The following IGSF3 variants were observed in gnomAD, a reference collection of about 807,000 sequenced individuals.
IGSF3 encodes the protein immunoglobulin superfamily member 3, also known as glu-Trp-Ile EWI motif-containing protein 3.
Under a neutral mutation model 114.4 loss-of-function variants are expected in IGSF3, and 23 were observed. That is an observed-to-expected ratio of 0.20 (90% CI 0.14 to 0.28). The LOEUF is 0.28. Ranked by LOEUF, IGSF3 falls within the 10% of genes least tolerant of loss-of-function variation. The pLI is 1.00. For synonymous variants in IGSF3, 571 were observed against 645.2 expected, an observed-to-expected ratio of 0.88 and a Z score of 1.74; for missense variants, 1,172 against 1,591.5, an observed-to-expected ratio of 0.74 and a Z score of 4.48.
chr1:116,626,260 A>G (rs931889612), intron 2 of IGSF3, among the ~76,000 whole-genome samples: 1 of 152,178 alleles, frequency 6.6e-6, no homozygotes, highest in Non-Finnish European at 1.5e-5. Flanking sequence ...CTTAAAAAAA[A>G]AATGCTTTTA....
chr1:116,646,464 A>G (rs1039847819), intron 2 of IGSF3, among the ~76,000 whole-genome samples: 5 of 152,142 alleles, frequency 3.3e-5, no homozygotes, highest in Admixed American at 1.3e-4. Flanking sequence ...TCTCAGCACA[A>G]TATATTAATA....
At chr1:116,643,203 T>C (rs1410139695) in intron 2 of IGSF3, among the ~76,000 whole-genome samples, 3 of 152,200 alleles carry the variant, frequency 2.0e-5, no homozygotes, top group African/African-American at 7.2e-5. Flanking sequence ...GCTATCAACC[T>C]GTCTGAGGCC....
chr1:116,604,137 G>A (rs1486437376), intron 5 of IGSF3, 112 bp from the exon 6 acceptor site: 22 of 984,432 alleles, frequency 2.2e-5, no homozygotes, highest in South Asian at 1.9e-4. Flanking sequence ...GGTACGGTGA[G>A]CCTCAGAGGG....
rs953495585 is a variant in IGSF3, at chr1:116,662,472, T to C, written c.43+3812A>G. Among the ~76,000 whole-genome samples, 1 of 152,192 alleles carries C rather than the reference T, an allele frequency of 6.6e-6. No homozygotes were observed. Among genetic ancestry groups the C allele is most frequent in the African/African-American group, 2.4e-5 (1 of 41,434 alleles). On this transcript the variant is annotated intron_variant, in intron 2 of 10. Transcript: ENST00000369486. This position sits in a 1 kb window ranked among gnomAD's most constrained non-coding sequence, Gnocchi z 4.3. The stretch of plus-strand genomic sequence containing the variant: ...CAGGGTTGTTTTGAAGACTGATTGA[T>C]ATAGTTGGGTCACAGTAAGGGCTAG...
rs1277144971 is a variant in IGSF3, at chr1:116,577,591, A to G, written c.3335-29T>C. 2.5e-6 allele frequency: 4 copies of G among 1,610,002 alleles called. No homozygotes were observed. The stretch of plus-strand genomic sequence containing the variant: ...AAAAGAATCATGAGAGAGACAAGAC[A>G]ATGAGGGCTGAGAACCTGGACTGCT... On this transcript the variant is annotated intron_variant, in intron 10 of 10. Transcript: ENST00000369486. This position sits in a 1 kb window ranked among gnomAD's most constrained non-coding sequence, Gnocchi z 5.7.
rs1659421773 is a variant in IGSF3, at chr1:116,577,934, C to A, written c.3335-372G>T. On this transcript the variant is annotated intron_variant, in intron 10 of 10. Transcript: ENST00000369486. The surrounding 1 kb of genome is among the most constrained non-coding windows in gnomAD (Gnocchi z 5.7). The stretch of plus-strand genomic sequence containing the variant: ...CCTGCATGGTTGGATTTTACATGCC[C>A]CTTTGCACTTAGTTCTGCTACAGAC... 6.6e-6 allele frequency among the ~76,000 whole-genome samples: 1 copy of A among 152,080 alleles called. No homozygotes were observed. The highest frequency in any genetic ancestry group is 2.1e-4 in the South Asian group (1 of 4,818).
rs1661070310 is a variant in IGSF3, at chr1:116,612,721, A to T, written c.832+1044T>A. ...CCAGAACCACCACAGTCCTCACCAG[A>T]AGTGAGCTTCCGCACAAGGAAAGGC... is the stretch of plus-strand genomic sequence containing the variant. On this transcript the variant is annotated intron_variant, in intron 4 of 10. Transcript: ENST00000369486. This position sits in a 1 kb window ranked among gnomAD's most constrained non-coding sequence, Gnocchi z 4.1. Among the ~76,000 whole-genome samples, 2 of 152,226 alleles carry T rather than the reference A, an allele frequency of 1.3e-5. No individual in the cohort carries two copies.
rs1661048752 is a variant in IGSF3, at chr1:116,612,238, C to T, written c.832+1527G>A. ...GGGAAAGGATAAATATAAAATAAAG[C>T]CCCTTGGATAGATTTTTTAATATTG... On this transcript the variant is annotated intron_variant, in intron 4 of 10. Coordinates refer to ENST00000369486, the MANE Select transcript of IGSF3 (RefSeq NM_001007237.3). The surrounding 1 kb of genome is among the most constrained non-coding windows in gnomAD (Gnocchi z 4.1). Among the ~76,000 whole-genome samples, 1 of 152,012 alleles carries T rather than the reference C, an allele frequency of 6.6e-6. No homozygotes were observed. Among genetic ancestry groups the T allele is most frequent in the Non-Finnish European group, 1.5e-5 (1 of 67,994 alleles).
Position 116,616,737 on chromosome 1 carries a change from CTGTT to C in IGSF3, c.44-284_44-281del, listed in dbSNP as rs1369481755. ...CCCTTGGGAATTTCATTTAGCCCCT[CTGTT>C]TGTCATTTATATGGCAGTTTTATAT... On this transcript the variant is annotated intron_variant, in intron 2 of 10. Transcript: ENST00000369486. This position sits in a 1 kb window ranked among gnomAD's most constrained non-coding sequence, Gnocchi z 6.6. Among the ~76,000 whole-genome samples, 15 of 152,198 alleles carry C rather than the reference CTGTT, an allele frequency of 9.9e-5. No homozygotes were observed. The highest frequency in any genetic ancestry group is 1.8e-4 in the Non-Finnish European group (12 of 68,042).
At position 116,608,145 on chromosome 1, in the gene IGSF3, A is replaced by G; in HGVS notation, c.1019T>C (p.Phe340Ser). Residue 340 changes from phenylalanine (F) to serine (S), a missense_variant, in exon 5 of 11, where the codon TTT becomes TCT. Transcript: ENST00000369486. ...CTGTCCCCTGGCTTCCCGGTGAGCA[A>G]ATTCGCTGTTGAGGACAGGCACAGC... ...PNAVPVLNSE[F>S]AHREARGQLK... is the part of the protein sequence containing the mutation. 1.9e-6 allele frequency: 3 copies of G among 1,613,810 alleles called. No individual in the cohort carries two copies. In the South Asian group the frequency reaches 3.3e-5, roughly 18 times the overall value.
At position 116,595,507 on chromosome 1, in the gene IGSF3, A is replaced by G. The variant is rs1166124097; in HGVS notation, c.2029+4434T>C. ...CAAAGAAAAGCCCTCTGCTATCCCA[A>G]TCTGCCGGGTCAGCAATAAGAAATA... On this transcript the variant is annotated intron_variant, in intron 7 of 10. Coordinates refer to ENST00000369486, the MANE Select transcript of IGSF3 (RefSeq NM_001007237.3). The surrounding 1 kb of genome is among the most constrained non-coding windows in gnomAD (Gnocchi z 4.2). Among the ~76,000 whole-genome samples, 1 of 152,126 alleles carries G rather than the reference A, an allele frequency of 6.6e-6. No individual in the cohort carries two copies. Among genetic ancestry groups the G allele is most frequent in the Non-Finnish European group, 1.5e-5 (1 of 68,026 alleles).
intron 7 of IGSF3, among the ~76,000 whole-genome samples, chr1:116,599,391 T>TACACACACAC (rs35774720): frequency 2.4e-4 from 35 of 148,230 alleles, no homozygotes; most frequent in African/African-American, 6.4e-4. Context: ...CACATACATA[T>TACACACACAC]ACACACACAC....
In IGSF3 at chr1:116,600,740, A is replaced by G. The variant is rs1036512255; in HGVS notation, c.1625-395T>C. 2.0e-5 allele frequency among the ~76,000 whole-genome samples: 3 copies of G among 152,176 alleles called. No individual in the cohort carries two copies. Among genetic ancestry groups the G allele is most frequent in the African/African-American group, 4.8e-5 (2 of 41,432 alleles). On this transcript the variant is annotated intron_variant, in intron 6 of 10. Transcript: ENST00000369486. This position sits in a 1 kb window ranked among gnomAD's most constrained non-coding sequence, Gnocchi z 5.5. Reference sequence around the variant, plus strand: ...CCCCAAAGCCAATTTCCTCCATTGCACAGGAGGAAAACACAACCACACAGC... The same window carrying G: ...CCCCAAAGCCAATTTCCTCCATTGCGCAGGAGGAAAACACAACCACACAGC...
intron 2 of IGSF3, among the ~76,000 whole-genome samples, chr1:116,635,910 CTGCCTTGTGTTGTGTGAG>C (rs1647806974): frequency 1.3e-5 from 2 of 152,238 alleles, no homozygotes; most frequent in Admixed American, 6.5e-5. Context: ...GCAACCATTC[CTGCCTTGTGTTGTGTGAG>C]TGCCTTAAGT....
rs754130869 is a variant in IGSF3, at chr1:116,589,029, G to A, written c.2105C>T (p.Ser702Leu). 1 of 1,614,196 alleles carries A rather than the reference G, an allele frequency of 6.2e-7. No individual in the cohort carries two copies. Among genetic ancestry groups the A allele is most frequent in the African/African-American group, 1.3e-5 (1 of 75,058 alleles). ...VENKPIQLNC[S>L]VKSQTSQNSH... is the part of the protein sequence containing the mutation. ...GTTCTGGCTAGTCTGAGACTTGACT[G>A]AGCAGTTCAACTGAATGGGCTTGTT... is the stretch of plus-strand genomic sequence containing the variant. The change falls in exon 8 of 11, where the codon TCA (serine) becomes TTA (leucine). Residue 702 changes from serine to leucine, a missense_variant. Transcript: ENST00000369486. The surrounding 1 kb of genome is among the most constrained non-coding windows in gnomAD (Gnocchi z 5.7).
In IGSF3 at chr1:116,594,359, A is replaced by C. The variant is rs894658606; in HGVS notation, c.2030-5255T>G. ...GATATGATTAGGAATGTTATATTGT[A>C]TATGAATTTCATTTCTGGGTAAAGG... On this transcript the variant is annotated intron_variant, in intron 7 of 10. Coordinates refer to ENST00000369486, the MANE Select transcript of IGSF3 (RefSeq NM_001007237.3). This position sits in a 1 kb window ranked among gnomAD's most constrained non-coding sequence, Gnocchi z 5.2. Among the ~76,000 whole-genome samples, 3 of 152,254 alleles carry C rather than the reference A, an allele frequency of 2.0e-5. No individual in the cohort carries two copies. Among genetic ancestry groups the C allele is most frequent in the African/African-American group, 7.2e-5 (3 of 41,468 alleles).
chr1:116,589,045 T>G lies in IGSF3; in HGVS notation c.2089A>C (p.Ile697Leu). The G allele has an allele frequency of 6.2e-7, 1 of 1,614,184 alleles. No individual in the cohort carries two copies. Among genetic ancestry groups the G allele is most frequent in the Non-Finnish European group, 8.5e-7 (1 of 1,180,010 alleles). Reference protein sequence around the residue: ...RTLTLVENKPIQLNCSVKSQT... With the variant: ...RTLTLVENKPLQLNCSVKSQT... ...GACTTGACTGAGCAGTTCAACTGAATGGGCTTGTTTTCCACCAGGGTGAGG... is the reference window on the plus strand; with the variant it reads ...GACTTGACTGAGCAGTTCAACTGAAGGGGCTTGTTTTCCACCAGGGTGAGG... Residue 697 changes from isoleucine (I) to leucine (L), a missense_variant, in exon 8 of 11, where the codon ATT becomes CTT. By Grantham distance (5) the Ile-to-Leu change is conservative (BLOSUM62 2). Transcript: ENST00000369486. This position sits in a 1 kb window ranked among gnomAD's most constrained non-coding sequence, Gnocchi z 5.7.
intron 2 of IGSF3, among the ~76,000 whole-genome samples, chr1:116,635,874 G>A (rs1347759809): frequency 6.6e-6 from 1 of 152,180 alleles, no homozygotes; most frequent in African/African-American, 2.4e-5. Flanking sequence ...TCTCTGCTAG[G>A]GAACCTTCCT....
Position 116,577,295 on chromosome 1 carries a change from G to A in IGSF3, c.*17C>T, listed in dbSNP as rs776499230. 4.8e-5 allele frequency: 77 copies of A among 1,611,532 alleles called. No homozygotes were observed. The highest frequency in any genetic ancestry group is 1.9e-4 in the Middle Eastern group (1 of 5,306). ...CTCAGCTCCTCCGTGGCCAACATCC[G>A]CTGGGGCATCACCCGCTTAGTCTAT... On this transcript the variant is annotated 3_prime_UTR_variant, in exon 11 of 11. Transcript: ENST00000369486. This position sits in a 1 kb window ranked among gnomAD's most constrained non-coding sequence, Gnocchi z 5.7.
Sources: gnomAD v4.1 joint callset for allele counts (sites outside exome capture counted in the v4.1 genomes callset) on GRCh38, gnomAD v4.1.1 for gene constraint, Gnocchi (gnomAD v3.1) non-coding constraint, MANE v1.5 for transcripts, NCBI Gene and HGNC (gene_info 2026-07-23, HGNC 2026-07-21) for gene names.